Variants in ATP8A2 observed in about 807,000 individuals in gnomAD.
ATP8A2 encodes phospholipid-transporting ATPase IB.
ATP8A2 carries 100 observed loss-of-function variants against 165.6 expected under a neutral mutation model. The observed-to-expected ratio is 0.60, with a 90% CI of 0.51 to 0.71. The LOEUF (loss-of-function observed/expected upper bound fraction) is 0.71. Among genes scored for constraint, ATP8A2 ranks in the 30% least tolerant of loss-of-function variants. ATP8A2 has a pLI of 0.00. For synonymous variants in ATP8A2, 543 were observed against 548.8 expected (o/e 0.99, Z 0.15); for missense variants, 1,227 against 1,479.5 (o/e 0.83, Z 2.80).
At chr13:25,902,254 T>C (rs1004257142) in intron 33 of ATP8A2, among the ~76,000 whole-genome samples, 6 of 152,206 alleles carry the variant, frequency 3.9e-5, no homozygotes, top group African/African-American at 1.4e-4. Flanking sequence ...TTCGGAGTGA[T>C]ATGCTTATAA....
Position 25,964,226 on chromosome 13 carries a change from G to T in ATP8A2, c.3272+2563G>T, listed in dbSNP as rs534901890. Among the ~76,000 whole-genome samples the T allele has an allele frequency of 1.5e-3, 221 of 152,326 alleles. 2 individuals carry two copies. Among genetic ancestry groups the T allele is most frequent in the African/African-American group, 4.9e-3 (203 of 41,582 alleles). ...TTTTTGTCTTGTTTTATTTAGGGGA[G>T]CAGGGAAAATAGCATATATTGGCTG... On this transcript the variant is annotated intron_variant, in intron 34 of 36. Transcript: ENST00000381655.
At chr13:25,842,912 C>T (rs536222543) in intron 30 of ATP8A2, among the ~76,000 whole-genome samples, 161 of 152,030 alleles carry the variant, frequency 1.1e-3, no homozygotes, top group Admixed American at 1.9e-3. Context: ...GTAAGGTGAG[C>T]GGTAGAAAGA....
chr13:25,905,257 T>C (rs1051049620), intron 33 of ATP8A2, among the ~76,000 whole-genome samples: 1 of 151,958 alleles, frequency 6.6e-6, no homozygotes, highest in Non-Finnish European at 1.5e-5. Flanking sequence ...AAAAAAAAAA[T>C]TTTTAAGGGA....
chr13:25,905,415 GCTCT>G (rs527994694), intron 33 of ATP8A2, among the ~76,000 whole-genome samples: 7 of 149,314 alleles, frequency 4.7e-5, no homozygotes, highest in Admixed American at 1.3e-4. Context: ...ATTTTTATAT[GCTCT>G]CTCTCTCTCT....
intron 1 of ATP8A2, among the ~76,000 whole-genome samples, chr13:25,416,221 T>C (rs946602276): frequency 6.6e-6 from 1 of 152,206 alleles, no homozygotes. Flanking sequence ...GAGACAGGCA[T>C]TGGGTTTGGT....
chr13:25,678,183 T>C (rs1420247264), intron 24 of ATP8A2, among the ~76,000 whole-genome samples: 1 of 152,136 alleles, frequency 6.6e-6, no homozygotes, highest in Non-Finnish European at 1.5e-5. Context: ...TGATGATTAA[T>C]GGATTCTGTT....
chr13:25,943,118 C>G lies in ATP8A2; in HGVS notation c.3184-18457C>G, dbSNP rs372718281. 1.8e-3 allele frequency among the ~76,000 whole-genome samples: 281 copies of G among 152,188 alleles called. 2 individuals carry two copies. Among genetic ancestry groups the G allele is most frequent in the African/African-American group, 6.5e-3 (272 of 41,530 alleles). On this transcript the variant is annotated intron_variant, in intron 33 of 36. Transcript: ENST00000381655. ...GAGCATGCGCCTCCAGGGTTTGAAC[C>G]TAGGGAGCATCTGAGATGGTCCAGA...
intron 35 of ATP8A2, among the ~76,000 whole-genome samples, chr13:26,002,848 C>CTGTGTGTGTG (rs199795279): frequency 0.015 from 2,065 of 134,678 alleles, 23 homozygotes; most frequent in East Asian, 0.021. Flanking sequence ...TAGTATTCCA[C>CTGTGTGTGTG]TGTGTGTGTG....
chr13:25,418,821 A>G (rs1034200493), intron 1 of ATP8A2, among the ~76,000 whole-genome samples: 1 of 152,112 alleles, frequency 6.6e-6, no homozygotes, highest in Non-Finnish European at 1.5e-5. Flanking sequence ...TGAAGCACCA[A>G]TTTTCCTTGC....
rs567936328 is a variant in ATP8A2, at chr13:25,906,261, C to G, written c.3183+43853C>G. ...TCCTTTCACTACCCTCCCCGCCCCC[C>G]GCCCAATCCTAGCATAAACTTTCAT... On this transcript the variant is annotated intron_variant, in intron 33 of 36. Coordinates refer to ENST00000381655, the MANE Select transcript of ATP8A2 (RefSeq NM_016529.6). 2.4e-5 allele frequency among the ~76,000 whole-genome samples: 3 copies of G among 127,222 alleles called. No individual in the cohort carries two copies. The South Asian group carries it at 9.1e-4, about 39-fold the overall frequency. The allele number at this position is 127,222 out of a possible 152,430, so 83.5% of individuals were successfully genotyped here.
intron 30 of ATP8A2, among the ~76,000 whole-genome samples, chr13:25,842,236 A>G (rs1158115946): frequency 1.3e-5 from 2 of 152,222 alleles, no homozygotes; most frequent in Admixed American, 1.3e-4. Flanking sequence ...AAGTTTAGCC[A>G]TGAAATCCAG....
chr13:25,636,910 T>C (rs2041382302), intron 24 of ATP8A2, among the ~76,000 whole-genome samples: 1 of 151,654 alleles, frequency 6.6e-6, no homozygotes, highest in African/African-American at 2.4e-5. Context: ...CTGGGCAACA[T>C]AGTGAGTCAT....
At chr13:25,437,834 C>A (rs2034821843) in intron 1 of ATP8A2, among the ~76,000 whole-genome samples, 1 of 152,148 alleles carries the variant, frequency 6.6e-6, no homozygotes, top group South Asian at 2.1e-4. Flanking sequence ...AGGAGTCAGA[C>A]AAATTTTAAA....
chr13:25,880,184 C>T (rs769052363), intron 33 of ATP8A2, among the ~76,000 whole-genome samples: 11 of 152,188 alleles, frequency 7.2e-5, no homozygotes, highest in Non-Finnish European at 1.3e-4. Context: ...TGTAATCATA[C>T]ATAATTCGTC....
rs144896352 is a variant in ATP8A2, at chr13:25,784,797, G to A, written c.2679+9838G>A. 6.6e-3 allele frequency among the ~76,000 whole-genome samples: 996 copies of A among 151,868 alleles called. 14 individuals are homozygous for A. Among genetic ancestry groups the A allele is most frequent in the African/African-American group, 0.022 (924 of 41,426 alleles). On this transcript the variant is annotated intron_variant, in intron 27 of 36. Coordinates refer to ENST00000381655, the MANE Select transcript of ATP8A2 (RefSeq NM_016529.6). Reference sequence around the variant, plus strand: ...TTTCTTTTGTTTGAGAAGGAGTCTCGCGCTGTCACCCAGGCTGGAGTGCAA... The same window carrying A: ...TTTCTTTTGTTTGAGAAGGAGTCTCACGCTGTCACCCAGGCTGGAGTGCAA...
At chr13:25,428,664 C>T (rs560782457) in intron 1 of ATP8A2, among the ~76,000 whole-genome samples, 1 of 152,210 alleles carries the variant, frequency 6.6e-6, no homozygotes, top group African/African-American at 2.4e-5. Flanking sequence ...TTTGTTGGGG[C>T]AATGCTCGCA....
intron 33 of ATP8A2, among the ~76,000 whole-genome samples, chr13:25,956,343 C>G (rs891897346): frequency 2.6e-5 from 4 of 152,168 alleles, no homozygotes; most frequent in Non-Finnish European, 5.9e-5. Flanking sequence ...TCTGTTTGCA[C>G]ATGACATGAT....
chr13:25,407,667 G>A (rs928471603), intron 1 of ATP8A2, among the ~76,000 whole-genome samples: 3 of 152,184 alleles, frequency 2.0e-5, no homozygotes, highest in African/African-American at 4.8e-5. Flanking sequence ...ATGATGAGCA[G>A]CTATTAAGAG....
At chr13:25,933,553 A>T (rs1204939454) in intron 33 of ATP8A2, among the ~76,000 whole-genome samples, 1 of 152,216 alleles carries the variant, frequency 6.6e-6, no homozygotes, top group Non-Finnish European at 1.5e-5. Flanking sequence ...GACAGCAGTG[A>T]TCGTGATTAC....
Sources: allele counts gnomAD v4.1 joint callset (sites outside exome capture counted in the v4.1 genomes callset), GRCh38; gene constraint gnomAD v4.1.1; transcripts MANE v1.5; gene names NCBI Gene and HGNC (gene_info 2026-07-23, HGNC 2026-07-21).